Variants in FSHR observed in about 807,000 individuals in gnomAD.
The protein encoded by FSHR is follicle stimulating hormone receptor.
A neutral mutation model predicts 52.1 loss-of-function variants in FSHR; 46 were observed. The ratio of observed to expected loss-of-function variants is 0.88; its 90% CI spans 0.70 to 1.13. The LOEUF (loss-of-function observed/expected upper bound fraction) is 1.13, where lower values mean the gene tolerates loss of function less well. Among genes scored for constraint, FSHR ranks in the 50% most tolerant of loss-of-function variants. FSHR has a pLI of 0.00. For synonymous variants in FSHR, 399 were observed against 309.6 expected, an observed-to-expected ratio of 1.29 and a Z score of -3.03; for missense variants, 964 against 834.6, an observed-to-expected ratio of 1.16 and a Z score of -1.91.
At chr2:48,966,424 A>G (rs1436885796) in intron 9 of FSHR, among the ~76,000 whole-genome samples, 1 of 152,204 alleles carries the variant, frequency 6.6e-6, no homozygotes, top group African/African-American at 2.4e-5. Context: ...TGAATACAGA[A>G]TTATGACAAG....
intron 1 of FSHR, among the ~76,000 whole-genome samples, chr2:49,086,079 A>G (rs1670379634): frequency 6.6e-6 from 1 of 152,136 alleles, no homozygotes; most frequent in African/African-American, 2.4e-5. Flanking sequence ...TAACCTGCAC[A>G]TTGTGCACAT....
At chr2:49,032,738 G>T (rs2104259577) in intron 2 of FSHR, among the ~76,000 whole-genome samples, 1 of 152,298 alleles carries the variant, frequency 6.6e-6, no homozygotes, top group South Asian at 2.1e-4. Context: ...GGAGGAGCAG[G>T]ATCTGGGTCT....
chr2:49,101,774 T>A (rs1671036443), intron 1 of FSHR, among the ~76,000 whole-genome samples: 1 of 152,258 alleles, frequency 6.6e-6, no homozygotes, highest in Admixed American at 6.5e-5. Context: ...GAAAAGAAAT[T>A]TACTTCTTAC....
chr2:49,126,930 A>G (rs11902815), intron 1 of FSHR, among the ~76,000 whole-genome samples: 7,678 of 152,274 alleles, frequency 0.05, 616 homozygotes, highest in African/African-American at 0.18. Flanking sequence ...CAGAAAGAGT[A>G]TTCACTTCTG....
At chr2:49,035,232 T>C (rs1277341803) in intron 2 of FSHR, among the ~76,000 whole-genome samples, 1 of 152,208 alleles carries the variant, frequency 6.6e-6, no homozygotes, top group Non-Finnish European at 1.5e-5. Context: ...GGGACAGAAA[T>C]GTTAACAATG....
intron 8 of FSHR, among the ~76,000 whole-genome samples, chr2:48,970,991 G>A (rs988378628): frequency 6.6e-6 from 1 of 152,108 alleles, no homozygotes; most frequent in African/African-American, 2.4e-5. Flanking sequence ...AAATGCAAAG[G>A]TCTTATAACT....
chr2:49,011,724 G>A (rs1423470430), intron 4 of FSHR, among the ~76,000 whole-genome samples: 1 of 152,106 alleles, frequency 6.6e-6, no homozygotes, highest in African/African-American at 2.4e-5. Flanking sequence ...CAGCAAATAA[G>A]GGAAGCAGCT....
chr2:49,109,402 A>G (rs971253339), intron 1 of FSHR, among the ~76,000 whole-genome samples: 1 of 152,106 alleles, frequency 6.6e-6, no homozygotes, highest in Non-Finnish European at 1.5e-5. Flanking sequence ...GGTTGGGGAG[A>G]GAGGAGGTGC....
intron 4 of FSHR, among the ~76,000 whole-genome samples, chr2:48,998,629 T>A (rs556095652): frequency 1.3e-5 from 2 of 152,058 alleles, no homozygotes; most frequent in African/African-American, 2.4e-5. Context: ...AAAAGGGGTA[T>A]AAACACTAAG....
chr2:49,135,894 T>C (rs925500747), intron 1 of FSHR, among the ~76,000 whole-genome samples: 24 of 152,212 alleles, frequency 1.6e-4, no homozygotes, highest in African/African-American at 5.5e-4. Flanking sequence ...AAGGTCTTTA[T>C]CCTTGTCATC....
chr2:48,988,034 C>T (rs1405025668), intron 6 of FSHR, among the ~76,000 whole-genome samples: 1 of 152,052 alleles, frequency 6.6e-6, no homozygotes, highest in Admixed American at 6.6e-5. Flanking sequence ...AAACTTTTTC[C>T]ATTGTTATCT....
chr2:49,081,521 C>T (rs1452858465), intron 1 of FSHR, among the ~76,000 whole-genome samples: 2 of 152,102 alleles, frequency 1.3e-5, no homozygotes, highest in Admixed American at 6.5e-5. Flanking sequence ...CATTTATTAA[C>T]TCACTATTAA....
At chr2:48,982,483 C>T (rs942315548) in intron 8 of FSHR, among the ~76,000 whole-genome samples, 5 of 152,084 alleles carry the variant, frequency 3.3e-5, no homozygotes, top group South Asian at 2.1e-4. Flanking sequence ...GACACATGAT[C>T]GAGTGGTTGT....
rs1384747165 is a variant in FSHR, at chr2:49,088,753, A to T, written c.153-20463T>A. Among the ~76,000 whole-genome samples the T allele has an allele frequency of 5.3e-5, 8 of 152,312 alleles. No homozygotes were observed. The East Asian group carries it at 1.5e-3, about 29-fold the overall frequency. ...TTAGATATAGGAGGATTAACTAGGG[A>T]TAAACTTCCTTTTAGAGTCCATGAA... On this transcript the variant is annotated intron_variant, in intron 1 of 9. Transcript: ENST00000406846.
chr2:49,044,145 C>T (rs77575902), intron 2 of FSHR, among the ~76,000 whole-genome samples: 1,752 of 152,210 alleles, frequency 0.012, 56 homozygotes, highest in Admixed American at 0.062. Flanking sequence ...AGACTGGCAG[C>T]GATGAATGGA....
At position 49,060,211 on chromosome 2, in the gene FSHR, A is replaced by G. The variant is rs571130916; in HGVS notation, c.224+8008T>C. Among the ~76,000 whole-genome samples the G allele has an allele frequency of 2.0e-5, 3 of 152,306 alleles. No individual in the cohort carries two copies. The East Asian group carries it at 5.8e-4, about 29-fold the overall frequency. ...AAAAAATACCGGTGAGGATGCAGAGAAAAAGGTACCCTTACATATTGTTCG... is the reference window on the plus strand; with the variant it reads ...AAAAAATACCGGTGAGGATGCAGAGGAAAAGGTACCCTTACATATTGTTCG... On this transcript the variant is annotated intron_variant, in intron 2 of 9. Transcript: ENST00000406846.
chr2:49,064,080 G>A (rs1033398659), intron 2 of FSHR, among the ~76,000 whole-genome samples: 2 of 151,944 alleles, frequency 1.3e-5, no homozygotes, highest in Non-Finnish European at 2.9e-5. Context: ...GTGTGTGTGT[G>A]TGTGTGTTTG....
Position 49,012,591 on chromosome 2 carries a change from C to A in FSHR, c.374+4898G>T, listed in dbSNP as rs1465315342. ...TATGCAGAAATTAGGACATTCAAGT[C>A]AAGTAGCAACTCACCCCTACCCCTT... On this transcript the variant is annotated intron_variant, in intron 4 of 9. Coordinates refer to ENST00000406846, the MANE Select transcript of FSHR (RefSeq NM_000145.4). Among the ~76,000 whole-genome samples the A allele has an allele frequency of 2.8e-4, 42 of 152,084 alleles. 1 individual carries two copies. Among genetic ancestry groups the A allele is most frequent in the Admixed American group, 2.8e-3 (42 of 15,266 alleles).
chr2:49,133,115 C>T (rs1672352581), intron 1 of FSHR, among the ~76,000 whole-genome samples: 1 of 152,110 alleles, frequency 6.6e-6, no homozygotes, highest in Non-Finnish European at 1.5e-5. Flanking sequence ...TTCCCTAGCT[C>T]CTAACTATAG....
Sources: gnomAD v4.1 joint callset for allele counts (sites outside exome capture counted in the v4.1 genomes callset) on GRCh38, gnomAD v4.1.1 for gene constraint, MANE v1.5 for transcripts, NCBI Gene and HGNC (gene_info 2026-07-23, HGNC 2026-07-21) for gene names.